RYR3: variants seen among roughly 807,000 people sequenced by gnomAD.
The protein encoded by RYR3 is brain ryanodine receptor-calcium release channel.
In RYR3, 207 loss-of-function variants were observed where a neutral mutation model predicts 584.3. That is an observed-to-expected ratio of 0.35 (90% CI 0.32 to 0.40). The LOEUF (loss-of-function observed/expected upper bound fraction) is 0.40. Ranked by LOEUF, RYR3 falls within the 10% of genes least tolerant of loss-of-function variation. The pLI is 1.00. For missense variants in RYR3, 5,616 were observed against 6,089.2 expected (o/e 0.92, Z 2.59); for synonymous variants, 2,416 against 2,248.5 (o/e 1.07, Z -2.11).
chr15:33,625,583 G>A (rs931427099), intron 20 of RYR3, among the ~76,000 whole-genome samples: 1 of 152,014 alleles, frequency 6.6e-6, no homozygotes, highest in Admixed American at 6.6e-5. Flanking sequence ...ATTAGCAAGA[G>A]AAAAAAACAT....
rs951725493 is a variant in RYR3, at chr15:33,310,975, G to C, written c.-71G>C. On this transcript the variant is annotated 5_prime_UTR_variant, in exon 1 of 104. Coordinates refer to ENST00000634891, the MANE Select transcript of RYR3 (RefSeq NM_001036.6). ...AGGAGAAAGAGCGCAGCAGCAGTCA[G>C]CGCACGCCGAGCGGCTGCCGGGGGA... 1.7e-6 allele frequency: 2 copies of C among 1,206,604 alleles called. No homozygotes were observed. Among genetic ancestry groups the C allele is most frequent in the African/African-American group, 3.1e-5 (2 of 64,758 alleles). 74.7% of individuals were successfully genotyped at this position (1,206,604 alleles called of 1,614,324 possible).
intron 3 of RYR3, among the ~76,000 whole-genome samples, chr15:33,507,453 A>G (rs569847325): frequency 2.0e-5 from 3 of 152,276 alleles, no homozygotes; most frequent in Admixed American, 6.5e-5. Context: ...ATCTAATCCT[A>G]TGTAATTTTA....
chr15:33,546,096 A>C (rs2056217625), intron 8 of RYR3, among the ~76,000 whole-genome samples: 1 of 152,320 alleles, frequency 6.6e-6, no homozygotes, highest in Non-Finnish European at 1.5e-5. Flanking sequence ...TTTAGAGAAC[A>C]AGAACAAGTT....
chr15:33,702,581 GC>G (rs1182780862), intron 42 of RYR3, among the ~76,000 whole-genome samples: 1 of 152,122 alleles, frequency 6.6e-6, no homozygotes, highest in Admixed American at 6.5e-5. Flanking sequence ...AGTTTAAGGG[GC>G]CCCAGGGCTC....
chr15:33,590,876 G>A (rs1427876598), intron 16 of RYR3, among the ~76,000 whole-genome samples: 1 of 152,058 alleles, frequency 6.6e-6, no homozygotes, highest in Non-Finnish European at 1.5e-5. Context: ...ACATATAATG[G>A]TAGCAATTAT....
intron 102 of RYR3, 60 bp downstream of exon 102, chr15:33,861,238 T>C: frequency 8.2e-7 from 1 of 1,222,210 alleles, no homozygotes; most frequent in East Asian, 2.6e-5. Context: ...GCCAATTAGG[T>C]CATATAGTTC....
At chr15:33,829,645 C>G (rs910313867) in intron 85 of RYR3, among the ~76,000 whole-genome samples, 1 of 151,280 alleles carries the variant, frequency 6.6e-6, no homozygotes, top group Non-Finnish European at 1.5e-5. Flanking sequence ...CCCAGCTACT[C>G]GGGAGGCTGA....
chr15:33,694,730 T>C (rs2065714572), intron 38 of RYR3, among the ~76,000 whole-genome samples: 1 of 152,222 alleles, frequency 6.6e-6, no homozygotes, highest in Admixed American at 6.5e-5. Flanking sequence ...TTATCTAACC[T>C]AACAGGTATT....
intron 2 of RYR3, among the ~76,000 whole-genome samples, chr15:33,498,871 A>G (rs899291123): frequency 1.3e-5 from 2 of 151,966 alleles, no homozygotes; most frequent in Non-Finnish European, 2.9e-5. Flanking sequence ...TGTGTGGGGT[A>G]TTGTTTCATT....
At chr15:33,834,476 CTT>C (rs11337237) in intron 86 of RYR3, among the ~76,000 whole-genome samples, 2,910 of 147,440 alleles carry the variant, frequency 0.02, 87 homozygotes, top group African/African-American at 0.066. Context: ...GATTTCTTTT[CTT>C]TTTTTTTTTT....
At chr15:33,726,292 C>A in intron 45 of RYR3, 94 bp from the exon 46 acceptor site, 2 of 1,428,890 alleles carry the variant, frequency 1.4e-6, no homozygotes, top group South Asian at 1.2e-5. Flanking sequence ...GACCCCTGCC[C>A]TTAAGCCGTT....
In RYR3 at chr15:33,853,664, C is replaced by T. The variant is rs781372766; in HGVS notation, c.13781C>T (p.Ala4594Val). ...CCAGTAGAAGAGACCAAAGCAGAAG[C>T]GGCTTCTCTGGTGTCATGGTACAAA... ...FSPVEETKAE[A>V]ASLVSWLSSI... The change falls in exon 96 of 104, where the codon GCG becomes GTG. Residue 4594 changes from alanine (A) to valine (V), a missense_variant. Transcript: ENST00000634891. 18 of 1,613,642 alleles carry T rather than the reference C, an allele frequency of 1.1e-5. No homozygotes were observed. The highest frequency in any genetic ancestry group is 3.3e-5 in the South Asian group (3 of 91,058).
chr15:33,452,232 C>G (rs58384490), intron 1 of RYR3, among the ~76,000 whole-genome samples: 14,006 of 152,124 alleles, frequency 0.092, 1,682 homozygotes, highest in African/African-American at 0.28. Context: ...TGGTAATCAC[C>G]CAGAGTGCTG....
At chr15:33,351,524 A>G (rs1160356483) in intron 1 of RYR3, among the ~76,000 whole-genome samples, 6 of 151,214 alleles carry the variant, frequency 4.0e-5, no homozygotes, top group Non-Finnish European at 8.9e-5. Flanking sequence ...AATACTGGCA[A>G]ACCGAATCCA....
intron 57 of RYR3, 44 bp from the exon 58 acceptor site, chr15:33,755,021 G>T (rs767232580): frequency 1.9e-6 from 2 of 1,066,024 alleles, no homozygotes; most frequent in Non-Finnish European, 2.9e-6. Context: ...TGAGTGACAT[G>T]GTTGTCTCTG....
At position 33,481,284 on chromosome 15, in the gene RYR3, G is replaced by A. The variant is rs1002643085; in HGVS notation, c.171+7746G>A. Among the ~76,000 whole-genome samples, 3 of 151,982 alleles carry A rather than the reference G, an allele frequency of 2.0e-5. No homozygotes were observed. In the South Asian group the frequency reaches 6.2e-4, roughly 32 times the overall value. ...ATTTTACAATCTCTGGTGTTTAATTGGAATGTTTTATTCATTTACATTTAT... is the reference window on the plus strand; with the variant it reads ...ATTTTACAATCTCTGGTGTTTAATTAGAATGTTTTATTCATTTACATTTAT... On this transcript the variant is annotated intron_variant, in intron 2 of 103. Coordinates refer to ENST00000634891, the MANE Select transcript of RYR3 (RefSeq NM_001036.6).
intron 1 of RYR3, among the ~76,000 whole-genome samples, chr15:33,451,123 T>C (rs1305999401): frequency 6.6e-6 from 1 of 152,216 alleles, no homozygotes; most frequent in Non-Finnish European, 1.5e-5. Flanking sequence ...TTTTCTCACA[T>C]GTAAAATGCA....
rs1235659233 is a variant in RYR3, at chr15:33,631,266, A to G, written c.2840A>G (p.Asp947Gly). 1 of 1,588,842 alleles carries G rather than the reference A, an allele frequency of 6.3e-7. No homozygotes were observed. Among genetic ancestry groups the G allele is most frequent in the Non-Finnish European group, 8.6e-7 (1 of 1,166,720 alleles). ...IAHVNPAAEE[D>G]LKKVKLPKNY... is the part of the protein sequence containing the mutation. ...CATGTTAACCCAGCTGCTGAGGAGG[A>G]TCTCAAGAAGGTCAAACTGCCCAAA... Residue 947 changes from aspartate (D) to glycine (G), a missense_variant, in exon 23 of 104, where the codon GAT (aspartate) becomes GGT (glycine). Around this residue, in one of 9 missense-constraint regions of RYR3, gnomAD observed 1,284 missense variants for 1,344.6 expected, o/e 0.95. Coordinates refer to ENST00000634891, the MANE Select transcript of RYR3 (RefSeq NM_001036.6).
intron 1 of RYR3, among the ~76,000 whole-genome samples, chr15:33,447,290 C>T (rs1409915744): frequency 1.3e-5 from 2 of 152,160 alleles, no homozygotes; most frequent in Admixed American, 1.3e-4. Context: ...AACCCCCTGA[C>T]TTCATTCAGC....
Sources: allele counts gnomAD v4.1 joint callset (sites outside exome capture counted in the v4.1 genomes callset), GRCh38; gene constraint gnomAD v4.1.1; regional missense constraint gnomAD v4.1.1; transcripts MANE v1.5; gene names NCBI Gene and HGNC (gene_info 2026-07-23, HGNC 2026-07-21).